The following AIFM2 variants were observed in gnomAD, a reference collection of about 807,000 sequenced individuals.
AIFM2 encodes AIF family member 2, ferroptosis suppressor.
AIFM2 carries 38 observed loss-of-function variants against 35.7 expected under a neutral mutation model. The observed-to-expected ratio is 1.06, with a 90% CI of 0.82 to 1.39. The LOEUF is 1.39. AIFM2 is among the 40% of genes most tolerant of loss of function. The pLI, the probability that AIFM2 is intolerant of heterozygous loss-of-function variation, is 0.00. For synonymous variants in AIFM2, 185 were observed against 203.5 expected, an observed-to-expected ratio of 0.91 and a Z score of 0.77; for missense variants, 476 against 491.2, an observed-to-expected ratio of 0.97 and a Z score of 0.29.
At chr10:70,126,163 G>A (rs1448935023) in intron 1 of AIFM2, among the ~76,000 whole-genome samples, 2 of 152,270 alleles carry the variant, frequency 1.3e-5, no homozygotes, top group African/African-American at 4.8e-5. Flanking sequence ...AGCCCATTGA[G>A]GGGCACTCTT....
In AIFM2 at chr10:70,114,271, G is replaced by A; in HGVS notation, c.1029C>T (p.Gly343=). The change falls in exon 9 of 9, where the codon GGC becomes GGT. Residue 343 remains glycine (G), a synonymous_variant. Transcript: ENST00000307864. Reference sequence around the variant, plus strand: ...GAACCATGAGCCGGCCCACATAGAAGCCACTGATTTGGCCCACACCGTCAT... The same window carrying A: ...GAACCATGAGCCGGCCCACATAGAAACCACTGATTTGGCCCACACCGTCAT... The part of the protein sequence containing the change: ...GRNDGVGQIS[G]FYVGRLMVRL... The A allele has an allele frequency of 6.2e-7, 1 of 1,613,896 alleles. No homozygotes were observed. Among genetic ancestry groups the A allele is most frequent in the Non-Finnish European group, 8.5e-7 (1 of 1,179,996 alleles).
In AIFM2 at chr10:70,112,363, T is replaced by C. The variant is rs959926913; in HGVS notation, c.*1815A>G. On this transcript the variant is annotated 3_prime_UTR_variant, in exon 9 of 9. Coordinates refer to ENST00000307864, the MANE Select transcript of AIFM2 (RefSeq NM_032797.6). ...GTCCTTCTAGAATATTGTAAGTCAA[T>C]AGAAGAAGGCCTGTCGCTCACACAC... 6.6e-6 allele frequency: 1 copy of C among 152,220 alleles called. No individual in the cohort carries two copies. Among genetic ancestry groups the C allele is most frequent in the Non-Finnish European group, 1.5e-5 (1 of 68,042 alleles). The allele number at this position is 152,220 out of a possible 1,614,324, so 9.4% of individuals were successfully genotyped here. A position where few individuals can be genotyped will look rare whatever the true frequency, so the allele number is the denominator to read the frequency against.
In AIFM2 at chr10:70,116,873, G is replaced by A. The variant is rs532699485; in HGVS notation, c.617-99C>T. 2.1e-4 allele frequency: 306 copies of A among 1,481,472 alleles called. 5 individuals carry two copies. The highest frequency in any genetic ancestry group is 1.6e-3 in the Middle Eastern group (8 of 5,102). The allele number at this position is 1,481,472 out of a possible 1,614,324, so 91.8% of individuals were successfully genotyped here. A position where few individuals can be genotyped will look rare whatever the true frequency, so the allele number is the denominator to read the frequency against. On this transcript the variant is annotated intron_variant, in intron 6 of 8. Transcript: ENST00000307864. ...AACCCTGGGGAGGGCCTGGACCTCT[G>A]GGGCCCAACTGGGCAATGGCTGCAC...
Position 70,113,654 on chromosome 10 carries a change from A to G in AIFM2, c.*524T>C, listed in dbSNP as rs1428174047. 1.3e-5 allele frequency: 2 copies of G among 152,604 alleles called. No homozygotes were observed. The highest frequency in any genetic ancestry group is 1.3e-4 in the Admixed American group (2 of 15,290). 9.5% of individuals were successfully genotyped at this position (152,604 alleles called of 1,614,324 possible). A position where few individuals can be genotyped will look rare whatever the true frequency, so the allele number is the denominator to read the frequency against. ...CCTGTGAAGTCCCTGGTTGTTGCAG[A>G]ATGTATGGGCTCCCCGACCGTGTGA... is the stretch of plus-strand genomic sequence containing the variant. On this transcript the variant is annotated 3_prime_UTR_variant, in exon 9 of 9. Transcript: ENST00000307864.
chr10:70,124,362 G>A (rs1200613372), intron 1 of AIFM2, among the ~76,000 whole-genome samples: 3 of 152,204 alleles, frequency 2.0e-5, no homozygotes, highest in Admixed American at 2.0e-4. Flanking sequence ...TCCTTCCAGA[G>A]ATAGTTTATG....
chr10:70,125,434 C>A (rs2072554287), intron 1 of AIFM2, among the ~76,000 whole-genome samples: 1 of 42,330 alleles, frequency 2.4e-5, no homozygotes, highest in Admixed American at 3.6e-4. Context: ...GACTCTGTCT[C>A]TACAAAAAAA....
Position 70,117,751 on chromosome 10 carries a change from C to T in AIFM2, c.616+61G>A. ...CCTCCTGCTGGAAGCAGTCACCAAG[C>T]CTCCAAGCCACATCTCACCAGGCCA... On this transcript the variant is annotated intron_variant, in intron 6 of 8. Transcript: ENST00000307864. The surrounding 1 kb of genome is among the most constrained non-coding windows in gnomAD (Gnocchi z 4.7). 1 of 1,395,484 alleles carries T rather than the reference C, an allele frequency of 7.2e-7. No homozygotes were observed. Among genetic ancestry groups the T allele is most frequent in the African/African-American group, 1.5e-5 (1 of 67,808 alleles). 86.4% of individuals were successfully genotyped at this position (1,395,484 alleles called of 1,614,324 possible). A position where few individuals can be genotyped will look rare whatever the true frequency, so the allele number is the denominator to read the frequency against.
chr10:70,119,358 C>G (rs1376663220), intron 5 of AIFM2, among the ~76,000 whole-genome samples: 4 of 152,174 alleles, frequency 2.6e-5, no homozygotes, highest in Non-Finnish European at 5.9e-5. Context: ...CGTGGGTAAG[C>G]TGGGGACCTA....
Position 70,123,961 on chromosome 10 carries a change from T to G in AIFM2, c.124A>C (p.Met42Leu), listed in dbSNP as rs747625476. ...ALNVPFMLVD[M>L]KDSFHHNVAA... ...ACATTGTGGTGGAAGGAGTCCTTCA[T>G]GTCCACCAGCATGAAGGGGACGTTC... Residue 42 changes from methionine to leucine, a missense_variant, in exon 2 of 9, where the codon ATG becomes CTG. Transcript: ENST00000307864. 3.1e-6 allele frequency: 5 copies of G among 1,611,900 alleles called. No individual in the cohort carries two copies. The highest frequency in any genetic ancestry group is 3.4e-6 in the Non-Finnish European group (4 of 1,178,684).
intron 3 of AIFM2, among the ~76,000 whole-genome samples, 171 bp downstream of exon 3, chr10:70,123,234 G>T (rs2072528989): frequency 6.6e-6 from 1 of 152,162 alleles, no homozygotes; most frequent in South Asian, 2.1e-4. Context: ...GGGCAGGCTG[G>T]TCTCAAACTC....
At chr10:70,123,667 T>C (rs972914468) in intron 2 of AIFM2, 147 bp from the exon 3 acceptor site, 12 of 813,424 alleles carry the variant, frequency 1.5e-5, no homozygotes, top group Admixed American at 1.1e-4. Context: ...GGGGTACCCC[T>C]ACTTCCTAAA....
chr10:70,124,181 A>G, intron 1 of AIFM2, 84 bp from the exon 2 acceptor site: 1 of 1,066,194 alleles, frequency 9.4e-7, no homozygotes, highest in East Asian at 3.1e-5. Flanking sequence ...GGCCTCGATC[A>G]TGAATTGACC....
At chr10:70,123,611 C>G in intron 2 of AIFM2, 91 bp from the exon 3 acceptor site, 1 of 1,193,242 alleles carries the variant, frequency 8.4e-7, no homozygotes, top group East Asian at 2.4e-5. Flanking sequence ...AGCTGCAAAC[C>G]AACAGGGGTG....
Position 70,124,114 on chromosome 10 carries a change from G to A in AIFM2, c.-13-17C>T, listed in dbSNP as rs1342176578. The stretch of plus-strand genomic sequence containing the variant: ...AATCAGGCACTGCTGGGAAGAAAGA[G>A]GAGAGCATATCAGAGTCAGGGAGGC... On this transcript the variant is annotated splice_polypyrimidine_tract_variant and intron_variant, in intron 1 of 8. Coordinates refer to ENST00000307864, the MANE Select transcript of AIFM2 (RefSeq NM_032797.6). 2 of 1,446,094 alleles carry A rather than the reference G, an allele frequency of 1.4e-6. No individual in the cohort carries two copies. The highest frequency in any genetic ancestry group is 1.8e-6 in the Non-Finnish European group (2 of 1,090,396). 89.6% of individuals were successfully genotyped at this position (1,446,094 alleles called of 1,614,324 possible).
At chr10:70,126,406 C>T (rs1373268309) in intron 1 of AIFM2, among the ~76,000 whole-genome samples, 1 of 152,172 alleles carries the variant, frequency 6.6e-6, no homozygotes, top group Non-Finnish European at 1.5e-5. Context: ...TGAGGTCAAC[C>T]TTGAAGGATA....
intron 1 of AIFM2, among the ~76,000 whole-genome samples, chr10:70,126,391 G>A (rs985236309): frequency 2.0e-5 from 3 of 152,200 alleles, no homozygotes; most frequent in African/African-American, 7.2e-5. Flanking sequence ...GGAGGAAGTA[G>A]ACTCTGAGGT....
intron 4 of AIFM2, 23 bp from the exon 5 acceptor site, chr10:70,120,622 C>T (rs760637706): frequency 1.2e-6 from 2 of 1,613,192 alleles, no homozygotes; most frequent in East Asian, 2.2e-5. Flanking sequence ...ACATGTGAAA[C>T]AGGGACATAT....
intron 1 of AIFM2, among the ~76,000 whole-genome samples, chr10:70,130,372 T>G (rs2072614991): frequency 6.6e-6 from 1 of 152,154 alleles, no homozygotes; most frequent in Non-Finnish European, 1.5e-5. Context: ...TCTCTATAGA[T>G]TTGTCTGTTC....
intron 3 of AIFM2, among the ~76,000 whole-genome samples, chr10:70,122,530 G>C (rs920539060): frequency 6.6e-6 from 1 of 152,218 alleles, no homozygotes. Flanking sequence ...AGTCATGGCA[G>C]GTGTGTTCCA....
Sources: allele counts gnomAD v4.1 joint callset (sites outside exome capture counted in the v4.1 genomes callset), GRCh38; gene constraint gnomAD v4.1.1; non-coding constraint Gnocchi (gnomAD v3.1); transcripts MANE v1.5; gene names NCBI Gene and HGNC (gene_info 2026-07-23, HGNC 2026-07-21).